Variants in CDH9 observed in about 807,000 individuals in gnomAD.
CDH9 encodes cadherin-9.
CDH9 carries 28 observed loss-of-function variants against 70.9 expected under a neutral mutation model. The observed-to-expected ratio is 0.40, with a 90% CI of 0.29 to 0.54. The LOEUF (loss-of-function observed/expected upper bound fraction) is 0.54. CDH9 is among the 20% of genes least tolerant of loss of function. The probability of loss-of-function intolerance (pLI) is 0.59; values close to 1 mark genes in which losing one functional copy is unlikely to be tolerated. For missense variants in CDH9, 874 were observed against 984.4 expected (o/e 0.89, Z 1.50); for synonymous variants, 409 against 343.1 (o/e 1.19, Z -2.12).
chr5:26,889,604 A>G (rs1044290174), intron 9 of CDH9, among the ~76,000 whole-genome samples: 5 of 152,108 alleles, frequency 3.3e-5, no homozygotes, highest in African/African-American at 9.7e-5. Flanking sequence ...CTAGTATATA[A>G]ATTAAAACAT....
intron 2 of CDH9, among the ~76,000 whole-genome samples, chr5:26,980,105 A>G (rs1019757826): frequency 6.6e-6 from 1 of 151,888 alleles, no homozygotes; most frequent in Non-Finnish European, 1.5e-5. Flanking sequence ...AAGTAGTTTT[A>G]AAATGTAGTT....
intron 1 of CDH9, among the ~76,000 whole-genome samples, chr5:27,026,923 C>T (rs1353016663): frequency 6.6e-6 from 1 of 151,862 alleles, no homozygotes; most frequent in Non-Finnish European, 1.5e-5. Context: ...AATGAATCAT[C>T]TTTCATAAGT....
In CDH9 at chr5:26,886,023, A is replaced by C; in HGVS notation, c.1573T>G (p.Phe525Val). ...DDPPRGHKFF[F>V]EPVPEFTLNP... ...AGAGTAAATTCTGGCACTGGTTCAA[A>C]AAAGAATTTGTGACCTCGGGGAGGG... is the stretch of plus-strand genomic sequence containing the variant. Residue 525 changes from phenylalanine (F) to valine (V), a missense_variant, in exon 10 of 12, where the codon TTT becomes GTT. Physicochemically the swap from Phe to Val is conservative, Grantham distance 50. Coordinates refer to ENST00000231021, the MANE Select transcript of CDH9 (RefSeq NM_016279.4). 6.2e-7 allele frequency: 1 copy of C among 1,612,898 alleles called. No homozygotes were observed. Among genetic ancestry groups the C allele is most frequent in the South Asian group, 1.1e-5 (1 of 90,674 alleles).
chr5:26,951,522 A>G (rs774102168), intron 2 of CDH9, among the ~76,000 whole-genome samples: 7 of 152,104 alleles, frequency 4.6e-5, no homozygotes, highest in African/African-American at 7.2e-5. Flanking sequence ...TAAGCTATAT[A>G]AGTATAAAAT....
At chr5:26,992,160 G>T (rs1255400158) in intron 1 of CDH9, among the ~76,000 whole-genome samples, 2 of 152,144 alleles carry the variant, frequency 1.3e-5, no homozygotes, top group African/African-American at 4.8e-5. Context: ...TGCTGCTGCT[G>T]ATCTCACAAG....
At chr5:26,957,829 T>G (rs1476049908) in intron 2 of CDH9, among the ~76,000 whole-genome samples, 1 of 152,208 alleles carries the variant, frequency 6.6e-6, no homozygotes, top group Non-Finnish European at 1.5e-5. Flanking sequence ...TTTCTGGCAC[T>G]GCTTATATTT....
At chr5:26,896,564 T>A (rs976132448) in intron 7 of CDH9, among the ~76,000 whole-genome samples, 2 of 140,394 alleles carry the variant, frequency 1.4e-5, no homozygotes, top group African/African-American at 2.6e-5. Flanking sequence ...GAAAATTTCA[T>A]TTCATTATAC....
At chr5:26,972,327 T>G (rs2112074485) in intron 2 of CDH9, among the ~76,000 whole-genome samples, 1 of 152,244 alleles carries the variant, frequency 6.6e-6, no homozygotes, top group Non-Finnish European at 1.5e-5. Context: ...AGAACCAGAT[T>G]AATCACAGGA....
intron 2 of CDH9, among the ~76,000 whole-genome samples, chr5:26,975,658 T>C (rs1255560611): frequency 6.6e-6 from 1 of 152,150 alleles, no homozygotes; most frequent in African/African-American, 2.4e-5. Flanking sequence ...GATATACCCA[T>C]TGAGGATTAT....
chr5:27,011,401 C>A (rs1414932490), intron 1 of CDH9, among the ~76,000 whole-genome samples: 1 of 152,016 alleles, frequency 6.6e-6, no homozygotes, highest in Admixed American at 6.6e-5. Context: ...ACACAGACAG[C>A]AGGCACAGAG....
intron 1 of CDH9, among the ~76,000 whole-genome samples, chr5:27,007,468 C>A (rs1206702456): frequency 1.3e-5 from 2 of 151,806 alleles, no homozygotes; most frequent in Non-Finnish European, 2.9e-5. Context: ...AGTAGAGATA[C>A]CCATGATACA....
At chr5:26,910,889 G>C (rs1008820809) in intron 3 of CDH9, among the ~76,000 whole-genome samples, 1 of 152,186 alleles carries the variant, frequency 6.6e-6, no homozygotes, top group Admixed American at 6.5e-5. Context: ...CAGTGCCCTT[G>C]ACATAAATGT....
At chr5:26,999,183 T>G (rs1190341491) in intron 1 of CDH9, among the ~76,000 whole-genome samples, 1 of 151,912 alleles carries the variant, frequency 6.6e-6, no homozygotes, top group African/African-American at 2.4e-5. Context: ...AGGCAGAGGT[T>G]GCAGTGAGCC....
At chr5:27,034,580 T>TAA (rs372666983) in intron 1 of CDH9, among the ~76,000 whole-genome samples, 2 of 149,900 alleles carry the variant, frequency 1.3e-5, no homozygotes, top group African/African-American at 4.9e-5. Context: ...ATCTCTCTCT[T>TAA]ACACACACAC....
intron 7 of CDH9, among the ~76,000 whole-genome samples, chr5:26,895,006 ATATATC>A (rs2111978431): frequency 6.6e-6 from 1 of 152,176 alleles, no homozygotes; most frequent in South Asian, 2.1e-4. Context: ...AGCATGTATC[ATATATC>A]TATATTTTTA....
At chr5:27,024,759 T>C (rs943125379) in intron 1 of CDH9, among the ~76,000 whole-genome samples, 2 of 152,116 alleles carry the variant, frequency 1.3e-5, no homozygotes, top group African/African-American at 4.8e-5. Flanking sequence ...TTGAAACTTA[T>C]GTTCTGACTA....
intron 11 of CDH9, among the ~76,000 whole-genome samples, chr5:26,884,068 A>G (rs1054217206): frequency 6.6e-6 from 1 of 152,110 alleles, no homozygotes; most frequent in African/African-American, 2.4e-5. Flanking sequence ...AGCAATTTTA[A>G]CTACAATAAT....
Position 26,971,712 on chromosome 5 carries a change from G to A in CDH9, c.228+16394C>T, listed in dbSNP as rs556467105. Among the ~76,000 whole-genome samples, 15 of 152,180 alleles carry A rather than the reference G, an allele frequency of 9.9e-5. 1 individual carries two copies. Among genetic ancestry groups the A allele is most frequent in the African/African-American group, 3.4e-4 (14 of 41,552 alleles). On this transcript the variant is annotated intron_variant, in intron 2 of 11. Transcript: ENST00000231021. Reference sequence around the variant, plus strand: ...GCAGCATGCTAAGGGGATAGGAAACGTAAGGGGGTTAGGTAGTTTTTCTTT... The same window carrying A: ...GCAGCATGCTAAGGGGATAGGAAACATAAGGGGGTTAGGTAGTTTTTCTTT...
intron 7 of CDH9, among the ~76,000 whole-genome samples, chr5:26,900,031 A>C (rs2111984694): frequency 6.6e-6 from 1 of 152,204 alleles, no homozygotes; most frequent in East Asian, 1.9e-4. Flanking sequence ...CAGATATCAA[A>C]GGATAATGTG....
Sources: gnomAD v4.1 joint callset for allele counts (sites outside exome capture counted in the v4.1 genomes callset) on GRCh38, gnomAD v4.1.1 for gene constraint, MANE v1.5 for transcripts, NCBI Gene and HGNC (gene_info 2026-07-23, HGNC 2026-07-21) for gene names.